KIAA0319: variants seen among roughly 807,000 people sequenced by gnomAD.
KIAA0319 encodes dyslexia-associated protein KIAA0319.
In KIAA0319, 83 loss-of-function variants were observed where a neutral mutation model predicts 108.4. The observed-to-expected ratio is 0.77, with a 90% CI of 0.64 to 0.92. The LOEUF is 0.92. Ranked by LOEUF, KIAA0319 falls within the 40% of genes least tolerant of loss-of-function variation. The pLI, the probability that KIAA0319 is intolerant of heterozygous loss-of-function variation, is 0.00. For synonymous variants in KIAA0319, 484 were observed against 510.4 expected (o/e 0.95, Z 0.70); for missense variants, 1,195 against 1,322.4 (o/e 0.90, Z 1.49).
intron 7 of KIAA0319, among the ~76,000 whole-genome samples, chr6:24,580,638 TA>T (rs1162695561): frequency 2.0e-5 from 3 of 151,684 alleles, no homozygotes; most frequent in Non-Finnish European, 2.9e-5. Context: ...AGAGTGGAGG[TA>T]GAAGTTAGAG....
chr6:24,596,434 C>T lies in KIAA0319; in HGVS notation c.240G>A (p.Val80=). 1 of 1,614,212 alleles carries T rather than the reference C, an allele frequency of 6.2e-7. No homozygotes were observed. The highest frequency in any genetic ancestry group is 8.5e-7 in the Non-Finnish European group (1 of 1,180,028). Residue 80 remains valine, a synonymous_variant, in exon 3 of 21, where the codon GTG becomes GTA. Transcript: ENST00000378214. ...AWWFEGRCYL[V]SCPHKENCEP... ...CACAGTTCTCTTTGTGGGGGCAGCT[C>T]ACCAGGTAGCAGCGGCCCTCGAACC...
intron 18 of KIAA0319, 77 bp from the exon 19 acceptor site, chr6:24,554,708 A>G (rs779024356): frequency 1.1e-5 from 12 of 1,054,180 alleles, no homozygotes; most frequent in Non-Finnish European, 1.3e-5. Flanking sequence ...ATTCATAACA[A>G]CTATTTCTGA....
intron 1 of KIAA0319, among the ~76,000 whole-genome samples, chr6:24,645,120 T>G (rs897735396): frequency 2.0e-5 from 3 of 152,228 alleles, no homozygotes; most frequent in Non-Finnish European, 4.4e-5. Context: ...TGTCTACAAT[T>G]TATTTTTTCT....
chr6:24,629,522 A>AAAAAAAAAAAG (rs1775222874), intron 1 of KIAA0319, among the ~76,000 whole-genome samples: 1 of 148,350 alleles, frequency 6.7e-6, no homozygotes, highest in African/African-American at 2.5e-5. Context: ...CTCAAAAAAA[A>AAAAAAAAAAAG]AAAAAAAAAG....
intron 2 of KIAA0319, chr6:24,597,911 C>T (rs1769909668): frequency 1.7e-5 from 1 of 59,056 alleles, no homozygotes; most frequent in African/African-American, 5.9e-5. Flanking sequence ...GAGCAAGACC[C>T]TATCTCAAAA....
chr6:24,631,061 A>G (rs1455510230), intron 1 of KIAA0319, among the ~76,000 whole-genome samples: 5 of 152,218 alleles, frequency 3.3e-5, no homozygotes, highest in African/African-American at 1.2e-4. Flanking sequence ...TGTCCCATTT[A>G]TGGTTTACTG....
intron 1 of KIAA0319, among the ~76,000 whole-genome samples, chr6:24,616,588 G>A (rs558884829): frequency 7.9e-5 from 12 of 152,278 alleles, no homozygotes; most frequent in Admixed American, 4.6e-4. Context: ...TCTTGACCTC[G>A]TGATCTGCCC....
intron 1 of KIAA0319, among the ~76,000 whole-genome samples, chr6:24,624,466 C>T (rs565025162): frequency 6.6e-6 from 1 of 151,780 alleles, no homozygotes; most frequent in Non-Finnish European, 1.5e-5. Flanking sequence ...GGAGGTATTC[C>T]AGCAAAATGA....
At chr6:24,560,777 T>C (rs1364888463) in intron 16 of KIAA0319, among the ~76,000 whole-genome samples, 1 of 152,194 alleles carries the variant, frequency 6.6e-6, no homozygotes, top group Non-Finnish European at 1.5e-5. Flanking sequence ...ACACCAGTCA[T>C]ATTGATTTAA....
chr6:24,568,888 A>G lies in KIAA0319; in HGVS notation c.2033T>C (p.Ile678Thr). The change falls in exon 13 of 21, where the codon ATA becomes ACA. Residue 678 changes from isoleucine (I) to threonine (T), a missense_variant. Ile to Thr is a moderately conservative substitution (Grantham distance 89, BLOSUM62 -1). Transcript: ENST00000378214. ...AVEMENIDKA[I>T]ATVTGLQVGT... The stretch of plus-strand genomic sequence containing the variant: ...CACCTGGAGACCAGTCACAGTGGCT[A>G]TTGCTTTGTCAATATTTTCCATCTC... 6.2e-7 allele frequency: 1 copy of G among 1,614,170 alleles called. No individual in the cohort carries two copies. Among genetic ancestry groups the G allele is most frequent in the Non-Finnish European group, 8.5e-7 (1 of 1,180,024 alleles).
chr6:24,547,389 C>A (rs369788086), intron 20 of KIAA0319, 46 bp from the exon 21 acceptor site: 8 of 1,542,330 alleles, frequency 5.2e-6, no homozygotes, highest in Non-Finnish European at 7.1e-6. Context: ...CCGTGATTCA[C>A]TTCCAGCTGT....
At chr6:24,625,819 A>T (rs1042520372) in intron 1 of KIAA0319, among the ~76,000 whole-genome samples, 4 of 152,226 alleles carry the variant, frequency 2.6e-5, no homozygotes, top group Admixed American at 6.5e-5. Context: ...TAACATACTA[A>T]CAGCATCACA....
intron 3 of KIAA0319, 33 bp from the exon 4 acceptor site, chr6:24,588,818 T>TAAA: frequency 7.1e-7 from 1 of 1,401,450 alleles, no homozygotes; most frequent in Non-Finnish European, 9.7e-7. Flanking sequence ...AAATTGTTAT[T>TAAA]AAAAAAAAAA....
chr6:24,568,976 T>C, intron 12 of KIAA0319, 47 bp from the exon 13 acceptor site: 1 of 1,588,132 alleles, frequency 6.3e-7, no homozygotes. Context: ...GCATGGGGTT[T>C]TGAATATGAC....
intron 2 of KIAA0319, chr6:24,598,603 C>T (rs113266006): frequency 1.4e-5 from 5 of 360,294 alleles, no homozygotes; most frequent in South Asian, 9.6e-5. Flanking sequence ...AGGGTGGGTG[C>T]GGTGGCTCAC....
intron 1 of KIAA0319, among the ~76,000 whole-genome samples, chr6:24,608,916 G>A (rs1389337959): frequency 1.6e-5 from 2 of 124,054 alleles, no homozygotes; most frequent in Non-Finnish European, 3.3e-5. Context: ...GGGCGACAGA[G>A]GGAGACTCCG....
chr6:24,580,775 A>G, intron 7 of KIAA0319, 151 bp downstream of exon 7: 1 of 617,188 alleles, frequency 1.6e-6, no homozygotes, highest in Non-Finnish European at 2.9e-6. Flanking sequence ...AACCAAAAAT[A>G]TAATCTTTGC....
rs961800119 is a variant in KIAA0319 at position 24,545,109 on chromosome 6, G to A, written c.*2056C>T. 3 of 152,164 alleles carry A rather than the reference G, an allele frequency of 2.0e-5. No homozygotes were observed. The highest frequency in any genetic ancestry group is 7.2e-5 in the African/African-American group (3 of 41,432). The allele number at this position is 152,164 out of a possible 1,614,324, so 9.4% of individuals were successfully genotyped here. A position where few individuals can be genotyped will look rare whatever the true frequency, so the allele number is the denominator to read the frequency against. On this transcript the variant is annotated 3_prime_UTR_variant, in exon 21 of 21. Transcript: ENST00000378214. Reference sequence around the variant, plus strand: ...CTTAGTCCTGGGAATAGAACTTTCAGGTGGCCCAAAAGTTCCACCAGAATT... The same window carrying A: ...CTTAGTCCTGGGAATAGAACTTTCAAGTGGCCCAAAAGTTCCACCAGAATT...
chr6:24,600,636 A>G (rs1177964195), intron 2 of KIAA0319: 1 of 1,532,792 alleles, frequency 6.5e-7, no homozygotes, highest in Non-Finnish European at 8.7e-7. Flanking sequence ...CGGCCAGCCC[A>G]GTCTAGTCAT....
Sources: allele counts gnomAD v4.1 joint callset (sites outside exome capture counted in the v4.1 genomes callset), GRCh38; gene constraint gnomAD v4.1.1; transcripts MANE v1.5; gene names NCBI Gene and HGNC (gene_info 2026-07-23, HGNC 2026-07-21).